Variants in MDGA2 observed in about 807,000 individuals in gnomAD.
MDGA2 encodes the protein MAM domain containing glycosylphosphatidylinositol anchor 2.
In MDGA2, 40 loss-of-function variants were observed where a neutral mutation model predicts 117.8. The observed-to-expected ratio is 0.34, with a 90% CI of 0.26 to 0.44. MDGA2 has a LOEUF of 0.44. Ranked by LOEUF, MDGA2 falls within the 20% of genes least tolerant of loss-of-function variation. The pLI, the probability that MDGA2 is intolerant of heterozygous loss-of-function variation, is 1.00. For missense variants in MDGA2, 1,123 were observed against 1,250.6 expected (o/e 0.90, Z 1.54); for synonymous variants, 452 against 439.0 (o/e 1.03, Z -0.37).
At chr14:47,355,204 T>A (rs1342035928) in intron 1 of MDGA2, among the ~76,000 whole-genome samples, 2 of 152,128 alleles carry the variant, frequency 1.3e-5, no homozygotes, top group Non-Finnish European at 2.9e-5. Context: ...CATATCAGTA[T>A]AGCCAATACC....
intron 1 of MDGA2, among the ~76,000 whole-genome samples, chr14:47,555,838 C>T (rs1356727337): frequency 6.6e-6 from 1 of 152,128 alleles, no homozygotes. Flanking sequence ...ACAACTCTAT[C>T]ATTTACCTTC....
intron 1 of MDGA2, among the ~76,000 whole-genome samples, chr14:47,650,845 T>C (rs1897626854): frequency 6.6e-6 from 1 of 152,204 alleles, no homozygotes; most frequent in Admixed American, 6.5e-5. Flanking sequence ...AATTGCATGA[T>C]GGTAGGTAGT....
intron 2 of MDGA2, among the ~76,000 whole-genome samples, chr14:47,238,196 A>G (rs896122944): frequency 1.3e-5 from 2 of 152,186 alleles, no homozygotes; most frequent in African/African-American, 4.8e-5. Flanking sequence ...AGTTTCTATT[A>G]TTCCCAATCA....
intron 1 of MDGA2, among the ~76,000 whole-genome samples, chr14:47,351,877 T>C (rs920831795): frequency 2.0e-5 from 3 of 150,784 alleles, no homozygotes; most frequent in African/African-American, 4.9e-5. Context: ...CTAGGACTTA[T>C]AGATGTTATA....
chr14:47,519,322 A>C (rs1894820784), intron 1 of MDGA2, among the ~76,000 whole-genome samples: 1 of 152,090 alleles, frequency 6.6e-6, no homozygotes, highest in Non-Finnish European at 1.5e-5. Context: ...TAATTTAAGC[A>C]GCTGATTGTT....
intron 8 of MDGA2, among the ~76,000 whole-genome samples, chr14:46,999,209 A>G (rs1209009080): frequency 5.1e-5 from 6 of 117,590 alleles, no homozygotes; most frequent in Non-Finnish European, 1.3e-4. Context: ...CACAGCAGGT[A>G]AAAAAAAAAG....
intron 8 of MDGA2, among the ~76,000 whole-genome samples, chr14:47,012,402 C>A (rs893756465): frequency 6.6e-6 from 1 of 151,950 alleles, no homozygotes; most frequent in Non-Finnish European, 1.5e-5. Context: ...TTTTCAAATA[C>A]CAATTTAGTG....
intron 8 of MDGA2, among the ~76,000 whole-genome samples, chr14:47,019,514 A>G (rs948928317): frequency 3.3e-5 from 5 of 152,124 alleles, no homozygotes; most frequent in Non-Finnish European, 7.4e-5. Context: ...GTGTAAAGGG[A>G]TTTGGAACAA....
At position 47,562,362 on chromosome 14, in the gene MDGA2, AGTTT is replaced by A. The variant is rs572610024; in HGVS notation, c.280+112151_280+112154del. Among the ~76,000 whole-genome samples, 105 of 151,304 alleles carry A rather than the reference AGTTT, an allele frequency of 6.9e-4. 1 individual carries two copies. The highest frequency in any genetic ancestry group is 6.9e-3 in the South Asian group (33 of 4,798). On this transcript the variant is annotated intron_variant, in intron 1 of 16. Transcript: ENST00000399232. The stretch of plus-strand genomic sequence containing the variant: ...GGTTGTAAATCCATCTTGTCCTGGG[AGTTT>A]GTTTGTTTGTTTGGTTGGTTGGCAG...
At chr14:47,042,259 TAAAGTAAGTAGTA>T (rs2138681785) in intron 7 of MDGA2, among the ~76,000 whole-genome samples, 1 of 151,286 alleles carries the variant, frequency 6.6e-6, no homozygotes, top group African/African-American at 2.4e-5. Flanking sequence ...AAAGTAGGAC[TAAAGTAAGTAGTA>T]AATTTGTAGA....
intron 1 of MDGA2, among the ~76,000 whole-genome samples, chr14:47,464,205 T>A (rs4900766): frequency 6.6e-6 from 1 of 151,302 alleles, no homozygotes; most frequent in East Asian, 1.9e-4. Context: ...GGACCTGAGA[T>A]GGACCAAAGG....
intron 1 of MDGA2, among the ~76,000 whole-genome samples, chr14:47,611,638 A>G (rs1005633809): frequency 6.6e-6 from 1 of 152,190 alleles, no homozygotes; most frequent in African/African-American, 2.4e-5. Context: ...GGAAATGCCA[A>G]TCAAAACCAC....
intron 1 of MDGA2, among the ~76,000 whole-genome samples, chr14:47,316,616 G>C (rs1009765879): frequency 6.6e-6 from 1 of 151,914 alleles, no homozygotes; most frequent in Non-Finnish European, 1.5e-5. Flanking sequence ...TAACTAGCAG[G>C]CTTATCAAGA....
chr14:47,389,217 T>C (rs1480930257), intron 1 of MDGA2, among the ~76,000 whole-genome samples: 2 of 152,140 alleles, frequency 1.3e-5, no homozygotes, highest in Non-Finnish European at 2.9e-5. Flanking sequence ...ATTAACACAG[T>C]GTATACTTTG....
At chr14:46,925,673 T>C (rs1884304250) in intron 9 of MDGA2, among the ~76,000 whole-genome samples, 1 of 141,416 alleles carries the variant, frequency 7.1e-6, no homozygotes, top group South Asian at 2.3e-4. Context: ...TTTATAAGTA[T>C]ACTTAATAAG....
chr14:46,957,261 C>A, intron 9 of MDGA2, 113 bp downstream of exon 9: 2 of 1,010,072 alleles, frequency 2.0e-6, no homozygotes, highest in Non-Finnish European at 2.8e-6. Flanking sequence ...AGGAGTCAAG[C>A]TGTTCTATGC....
intron 1 of MDGA2, among the ~76,000 whole-genome samples, chr14:47,308,257 A>G (rs190090363): frequency 1.3e-5 from 2 of 152,158 alleles, no homozygotes; most frequent in African/African-American, 2.4e-5. Flanking sequence ...AGGCTTACTC[A>G]TATGTAAAAA....
chr14:47,107,869 A>G lies in MDGA2; in HGVS notation c.926-10746T>C, dbSNP rs201292354. 3.0e-3 allele frequency among the ~76,000 whole-genome samples: 452 copies of G among 151,606 alleles called. 7 individuals carry two copies. The East Asian group carries it at 0.07, about 23-fold the overall frequency. ...GCTTTAATACTTTTAGAGGCCCTCA[A>G]AATAAGTAGAGGCCTTTCCTACAGG... is the stretch of plus-strand genomic sequence containing the variant. On this transcript the variant is annotated intron_variant, in intron 5 of 16. Coordinates refer to ENST00000399232, the MANE Select transcript of MDGA2 (RefSeq NM_001113498.3).
intron 1 of MDGA2, among the ~76,000 whole-genome samples, chr14:47,549,221 A>G (rs990926097): frequency 6.6e-6 from 1 of 152,134 alleles, no homozygotes; most frequent in Non-Finnish European, 1.5e-5. Flanking sequence ...AAATGCCACA[A>G]AGTTCTTTGC....
Sources: allele counts gnomAD v4.1 joint callset (sites outside exome capture counted in the v4.1 genomes callset), GRCh38; gene constraint gnomAD v4.1.1; transcripts MANE v1.5; gene names NCBI Gene and HGNC (gene_info 2026-07-23, HGNC 2026-07-21).